The following ATCAY variants were observed in gnomAD, a reference collection of about 807,000 sequenced individuals.
The protein encoded by ATCAY is caytaxin.
ATCAY carries 22 observed loss-of-function variants against 47.7 expected under a neutral mutation model. The ratio of observed to expected loss-of-function variants is 0.46; its 90% CI spans 0.33 to 0.66. The LOEUF is 0.66. ATCAY is among the 30% of genes least tolerant of loss of function. The probability of loss-of-function intolerance (pLI) is 0.02; values close to 1 mark genes in which losing one functional copy is unlikely to be tolerated. For synonymous variants in ATCAY, 216 were observed against 207.6 expected (o/e 1.04, Z -0.35); for missense variants, 452 against 515.0 (o/e 0.88, Z 1.18).
chr19:3,894,438 C>A (rs182096552), intron 2 of ATCAY, among the ~76,000 whole-genome samples: 1 of 146,618 alleles, frequency 6.8e-6, no homozygotes, highest in Non-Finnish European at 1.5e-5. Context: ...GACCTGAGAT[C>A]GCGCCACTGC....
Position 3,885,837 on chromosome 19 carries a change from C to A in ATCAY, c.70C>A (p.Leu24Ile). Residue 24 changes from leucine (L) to isoleucine (I), a missense_variant, in exon 2 of 13, where the codon CTT (leucine) becomes ATT (isoleucine). Leu to Ile is a conservative substitution (Grantham distance 5). Transcript: ENST00000450849. The part of the protein sequence containing the change: ...DVKEEWQDED[L>I]PRPLPEETGV... ...GAAGGAGGAATGGCAGGACGAAGAT[C>A]TTCCCAGGTAGGACTTCCACATCCC... The A allele has an allele frequency of 6.4e-7, 1 of 1,552,120 alleles. No homozygotes were observed. Among genetic ancestry groups the A allele is most frequent in the Admixed American group, 2.0e-5 (1 of 51,080 alleles).
At chr19:3,919,013 C>T (rs939498910) in intron 11 of ATCAY, 136 bp downstream of exon 11, 7 of 1,066,522 alleles carry the variant, frequency 6.6e-6, no homozygotes, top group Middle Eastern at 2.2e-4. Flanking sequence ...CATGGTGGCT[C>T]ACGCCTGTAA....
chr19:3,882,402 C>G (rs1441412745), intron 1 of ATCAY, among the ~76,000 whole-genome samples: 1 of 151,996 alleles, frequency 6.6e-6, no homozygotes, highest in Non-Finnish European at 1.5e-5. Flanking sequence ...ACTGCAGTCT[C>G]GACCTCCTGG....
At position 3,924,924 on chromosome 19, in the gene ATCAY, C is replaced by T. The variant is rs1362002804; in HGVS notation, c.*332C>T. ...GGCGTCGGTGGCCTCCGCTCCTGCT[C>T]GCAGCCTCTGTGGTCAGAGCTGGAT... On this transcript the variant is annotated 3_prime_UTR_variant, in exon 13 of 13. Coordinates refer to ENST00000450849, the MANE Select transcript of ATCAY (RefSeq NM_033064.5). 1.2e-5 allele frequency: 4 copies of T among 340,662 alleles called. No individual in the cohort carries two copies. Among genetic ancestry groups the T allele is most frequent in the East Asian group, 5.6e-5 (1 of 17,720 alleles). The allele number at this position is 340,662 out of a possible 1,614,324, so 21.1% of individuals were successfully genotyped here.
intron 8 of ATCAY, 135 bp from the exon 9 acceptor site, chr19:3,913,623 G>T: frequency 1.6e-6 from 1 of 644,854 alleles, no homozygotes; most frequent in Admixed American, 2.4e-5. Flanking sequence ...CGGGAGGGAG[G>T]TGTCGTCGTC....
rs184977628 is a variant in ATCAY, at chr19:3,896,685, G to A, written c.78-5802G>A. Among the ~76,000 whole-genome samples the A allele has an allele frequency of 2.5e-4, 38 of 152,354 alleles. 1 individual carries two copies. Among genetic ancestry groups the A allele is most frequent in the African/African-American group, 8.4e-4 (35 of 41,588 alleles). On this transcript the variant is annotated intron_variant, in intron 2 of 12. Transcript: ENST00000450849. ...GTTATGAGGCTAAATCACATCTTGAGAATCGAAGGCAGTGCCGGCTGCAAA... is the reference window on the plus strand; with the variant it reads ...GTTATGAGGCTAAATCACATCTTGAAAATCGAAGGCAGTGCCGGCTGCAAA...
At position 3,890,824 on chromosome 19, in the gene ATCAY, A is replaced by G. The variant is rs925728483; in HGVS notation, c.77+4980A>G. 2.0e-5 allele frequency among the ~76,000 whole-genome samples: 3 copies of G among 152,106 alleles called. No homozygotes were observed. In the East Asian group the frequency reaches 5.8e-4, roughly 29 times the overall value. ...CGAGCTACGCCTTTGCCAACAGGACACTTCCTCCACGAGGCTTCTGTCTTC... is the reference window on the plus strand; with the variant it reads ...CGAGCTACGCCTTTGCCAACAGGACGCTTCCTCCACGAGGCTTCTGTCTTC... On this transcript the variant is annotated intron_variant, in intron 2 of 12. Transcript: ENST00000450849.
At chr19:3,887,688 A>G (rs10405895) in intron 2 of ATCAY, among the ~76,000 whole-genome samples, 12,391 of 149,568 alleles carry the variant, frequency 0.083, 707 homozygotes, top group African/African-American at 0.14. Flanking sequence ...GGGTTTCACC[A>G]TGTTAGCCAG....
chr19:3,887,738 G>T (rs550645641), intron 2 of ATCAY, among the ~76,000 whole-genome samples: 1 of 150,044 alleles, frequency 6.7e-6, no homozygotes, highest in East Asian at 2.0e-4. Context: ...CGCCCACCTC[G>T]GCCTCCCAAA....
intron 3 of ATCAY, among the ~76,000 whole-genome samples, chr19:3,905,111 G>A (rs1484060635): frequency 1.3e-5 from 2 of 152,068 alleles, no homozygotes; most frequent in African/African-American, 2.4e-5. Context: ...TGCCCGCCTC[G>A]GCCTCCAAAG....
intron 2 of ATCAY, among the ~76,000 whole-genome samples, chr19:3,889,339 G>A (rs2038692642): frequency 6.6e-6 from 1 of 152,198 alleles, no homozygotes; most frequent in East Asian, 1.9e-4. Flanking sequence ...CTTGAACGCG[G>A]GAGGCGGAGG....
At chr19:3,886,124 G>T (rs2038650540) in intron 2 of ATCAY, among the ~76,000 whole-genome samples, 1 of 152,068 alleles carries the variant, frequency 6.6e-6, no homozygotes, top group Non-Finnish European at 1.5e-5. Context: ...AAGCTCCAAA[G>T]GACCCCCCAC....
At chr19:3,900,376 CAG>C (rs924725356) in intron 2 of ATCAY, among the ~76,000 whole-genome samples, 3 of 151,892 alleles carry the variant, frequency 2.0e-5, no homozygotes, top group African/African-American at 7.2e-5. Context: ...TTTGTAGAGA[CAG>C]AGTTACGCCA....
chr19:3,927,564 C>A lies in ATCAY; in HGVS notation c.*2972C>A, dbSNP rs944636065. 4.6e-5 allele frequency: 7 copies of A among 152,306 alleles called. No individual in the cohort carries two copies. Among genetic ancestry groups the A allele is most frequent in the African/African-American group, 1.7e-4 (7 of 41,472 alleles). The allele number at this position is 152,306 out of a possible 1,614,324, so 9.4% of individuals were successfully genotyped here. A position where few individuals can be genotyped will look rare whatever the true frequency, so the allele number is the denominator to read the frequency against. ...CTGCCGGCTAAACATTCTGCCCCCA[C>A]CAGAAACTCCAGGGGGTCCGCCCGT... On this transcript the variant is annotated 3_prime_UTR_variant, in exon 13 of 13. Transcript: ENST00000450849.
chr19:3,920,670 T>G (rs1276543642), intron 11 of ATCAY, 96 bp from the exon 12 acceptor site: 3 of 1,089,352 alleles, frequency 2.8e-6, no homozygotes, highest in Non-Finnish European at 3.7e-6. Flanking sequence ...TAATAATAAA[T>G]AAATAAAAAT....
chr19:3,912,469 C>A (rs889848948), intron 8 of ATCAY, among the ~76,000 whole-genome samples: 1 of 152,118 alleles, frequency 6.6e-6, no homozygotes, highest in Admixed American at 6.6e-5. Context: ...CGCCACCAGG[C>A]CCAGCTAACT....
chr19:3,889,345 G>A (rs2038692720), intron 2 of ATCAY, among the ~76,000 whole-genome samples: 1 of 152,132 alleles, frequency 6.6e-6, no homozygotes, highest in Non-Finnish European at 1.5e-5. Context: ...CGCGGGAGGC[G>A]GAGGTTGCAG....
intron 1 of ATCAY, among the ~76,000 whole-genome samples, chr19:3,882,992 C>T (rs575448812): frequency 1.3e-4 from 20 of 151,886 alleles, no homozygotes; most frequent in South Asian, 2.1e-4. Context: ...GCTGTGTTGC[C>T]CAGGCTGGTC....
At chr19:3,885,959 T>A in intron 2 of ATCAY, 115 bp downstream of exon 2, 1 of 1,009,510 alleles carries the variant, frequency 9.9e-7, no homozygotes, top group Non-Finnish European at 1.5e-6. Flanking sequence ...GCTGGCCTGG[T>A]TCCATCTCCG....
Sources: gnomAD v4.1 joint callset for allele counts (sites outside exome capture counted in the v4.1 genomes callset) on GRCh38, gnomAD v4.1.1 for gene constraint, MANE v1.5 for transcripts, NCBI Gene and HGNC (gene_info 2026-07-23, HGNC 2026-07-21) for gene names.